CNTN1: variants seen among roughly 807,000 people sequenced by gnomAD.
CNTN1 encodes the protein contactin-1.
A neutral mutation model predicts 126.4 loss-of-function variants in CNTN1; 38 were observed. The observed-to-expected ratio is 0.30, with a 90% CI of 0.23 to 0.39. CNTN1 has a LOEUF of 0.39. CNTN1 is among the 10% of genes least tolerant of loss of function. CNTN1 has a pLI of 1.00. For synonymous variants in CNTN1, 413 were observed against 422.6 expected (o/e 0.98, Z 0.28); for missense variants, 1,009 against 1,248.4 (o/e 0.81, Z 2.89).
intron 1 of CNTN1, among the ~76,000 whole-genome samples, chr12:40,900,710 A>G (rs562847140): frequency 6.6e-6 from 1 of 152,344 alleles, no homozygotes; most frequent in East Asian, 1.9e-4. Flanking sequence ...CAAGATTTAG[A>G]ACTCACAAAT....
At chr12:40,845,311 T>C (rs1207654522) in intron 1 of CNTN1, among the ~76,000 whole-genome samples, 1 of 152,212 alleles carries the variant, frequency 6.6e-6, no homozygotes, top group Admixed American at 6.5e-5. Flanking sequence ...AAAGTGCAGA[T>C]ATATAATAGA....
chr12:40,814,894 C>T lies in CNTN1; in HGVS notation c.-76-93463C>T, dbSNP rs561969769. ...TCGTTGAGCAGCAGTTTGTAGCTGT[C>T]CTCGAAAAGGTCCTTCCCATCCCTT... On this transcript the variant is annotated intron_variant, in intron 1 of 23. Transcript: ENST00000551295. Among the ~76,000 whole-genome samples, 9 of 152,168 alleles carry T rather than the reference C, an allele frequency of 5.9e-5. No individual in the cohort carries two copies. In the South Asian group the frequency reaches 1.7e-3, roughly 28 times the overall value.
At position 41,070,406 on chromosome 12, in the gene CNTN1, A is replaced by G. The variant is rs1950137020; in HGVS notation, c.*371A>G. On this transcript the variant is annotated 3_prime_UTR_variant, in exon 24 of 24. Coordinates refer to ENST00000551295, the MANE Select transcript of CNTN1 (RefSeq NM_001843.4). ...ATATACAGGTGCTTTAAATTTAATA[A>G]CAAGTTGTGAAATATAATAGAGATT... is the stretch of plus-strand genomic sequence containing the variant. 3.2e-6 allele frequency: 1 copy of G among 311,774 alleles called. No individual in the cohort carries two copies. The highest frequency in any genetic ancestry group is 6.2e-6 in the Non-Finnish European group (1 of 161,514). 19.3% of individuals were successfully genotyped at this position (311,774 alleles called of 1,614,324 possible). A position where few individuals can be genotyped will look rare whatever the true frequency, so the allele number is the denominator to read the frequency against.
chr12:41,006,949 C>T (rs1948507483), intron 17 of CNTN1, among the ~76,000 whole-genome samples: 1 of 149,120 alleles, frequency 6.7e-6, no homozygotes, highest in Non-Finnish European at 1.5e-5. Context: ...CAATAAGGTA[C>T]AGTGCTTACC....
At chr12:40,720,982 C>T (rs1942193859) in intron 1 of CNTN1, among the ~76,000 whole-genome samples, 1 of 143,004 alleles carries the variant, frequency 7.0e-6, no homozygotes, top group African/African-American at 2.5e-5. Flanking sequence ...TATGTTATAA[C>T]ATATATACAC....
intron 17 of CNTN1, among the ~76,000 whole-genome samples, chr12:40,997,378 C>A (rs1242255542): frequency 3.3e-5 from 5 of 152,202 alleles, no homozygotes; most frequent in African/African-American, 1.2e-4. Context: ...ACAACACTTT[C>A]ATATTATGTA....
intron 1 of CNTN1, among the ~76,000 whole-genome samples, chr12:40,708,047 A>G (rs1262270220): frequency 2.6e-5 from 4 of 152,208 alleles, no homozygotes. Flanking sequence ...ATGATCCAGA[A>G]TTTTGAATAT....
At position 40,943,591 on chromosome 12, in the gene CNTN1, C is replaced by A; in HGVS notation, c.1380-6C>A. On this transcript the variant is annotated splice_polypyrimidine_tract_variant and splice_region_variant and intron_variant, in intron 12 of 23. Coordinates refer to ENST00000551295, the MANE Select transcript of CNTN1 (RefSeq NM_001843.4). Reference sequence around the variant, plus strand: ...TTGTGAATTATATATATTTTTATTTCACTAGAATACTCATTTGGGAAGATG... The same window carrying A: ...TTGTGAATTATATATATTTTTATTTAACTAGAATACTCATTTGGGAAGATG... 6.4e-7 allele frequency: 1 copy of A among 1,551,652 alleles called. No individual in the cohort carries two copies. The highest frequency in any genetic ancestry group is 8.9e-7 in the Non-Finnish European group (1 of 1,124,044).
At chr12:40,753,117 A>G (rs1938467024) in intron 1 of CNTN1, among the ~76,000 whole-genome samples, 1 of 152,122 alleles carries the variant, frequency 6.6e-6, no homozygotes, top group Non-Finnish European at 1.5e-5. Flanking sequence ...AGGGGCCTGC[A>G]ACCATGTGAA....
At chr12:40,981,092 C>G (rs1263558704) in intron 16 of CNTN1, 25 bp downstream of exon 16, 1 of 1,610,018 alleles carries the variant, frequency 6.2e-7, no homozygotes, top group Admixed American at 1.7e-5. Context: ...TCTGATTAAT[C>G]CGTGCATGTT....
intron 23 of CNTN1, among the ~76,000 whole-genome samples, chr12:41,063,413 A>G (rs924135374): frequency 2.0e-5 from 3 of 152,236 alleles, no homozygotes; most frequent in Non-Finnish European, 4.4e-5. Flanking sequence ...GGTCCTTGAT[A>G]GAAAGTTACT....
chr12:40,820,142 C>A (rs1941399548), intron 1 of CNTN1, among the ~76,000 whole-genome samples: 1 of 152,078 alleles, frequency 6.6e-6, no homozygotes, highest in Non-Finnish European at 1.5e-5. Flanking sequence ...CAAAGGGGAA[C>A]CAGCATGTGC....
At chr12:40,695,577 T>C (rs1481761877) in intron 1 of CNTN1, among the ~76,000 whole-genome samples, 1 of 152,202 alleles carries the variant, frequency 6.6e-6, no homozygotes, top group Non-Finnish European at 1.5e-5. Flanking sequence ...AAATTGGCCA[T>C]GGTCTCTATC....
At chr12:40,924,501 T>G (rs1163224058) in intron 5 of CNTN1, 56 bp from the exon 6 acceptor site, 1 of 907,888 alleles carries the variant, frequency 1.1e-6, no homozygotes, top group Non-Finnish European at 1.8e-6. Flanking sequence ...TTGATGAATG[T>G]CTCTCTTTCT....
chr12:40,782,772 A>G (rs1477130650), intron 1 of CNTN1, among the ~76,000 whole-genome samples: 1 of 152,038 alleles, frequency 6.6e-6, no homozygotes, highest in Non-Finnish European at 1.5e-5. Flanking sequence ...GCATTTTATA[A>G]TATCATAGTT....
chr12:40,911,348 A>G (rs965727051), intron 3 of CNTN1, among the ~76,000 whole-genome samples: 4 of 152,254 alleles, frequency 2.6e-5, no homozygotes, highest in East Asian at 1.9e-4. Flanking sequence ...CCAAAGAGCT[A>G]GGATTACAGG....
At chr12:40,805,833 T>C (rs530457056) in intron 1 of CNTN1, among the ~76,000 whole-genome samples, 2 of 152,220 alleles carry the variant, frequency 1.3e-5, no homozygotes, top group Admixed American at 1.3e-4. Context: ...TGTTAGTGTG[T>C]GGAAGGAGAT....
chr12:40,847,864 T>C (rs924110573), intron 1 of CNTN1, among the ~76,000 whole-genome samples: 61 of 152,186 alleles, frequency 4.0e-4, no homozygotes, highest in African/African-American at 1.4e-3. Flanking sequence ...AGGATGGTTT[T>C]GGGATGAAAC....
intron 1 of CNTN1, among the ~76,000 whole-genome samples, chr12:40,814,060 A>G (rs1941178355): frequency 6.6e-6 from 1 of 151,980 alleles, no homozygotes; most frequent in Non-Finnish European, 1.5e-5. Context: ...TTTTTCTTGT[A>G]AATACGTTTA....
Sources: gnomAD v4.1 joint callset for allele counts (sites outside exome capture counted in the v4.1 genomes callset) on GRCh38, gnomAD v4.1.1 for gene constraint, MANE v1.5 for transcripts, NCBI Gene and HGNC (gene_info 2026-07-23, HGNC 2026-07-21) for gene names.